Variants in PARVB observed in about 807,000 individuals in gnomAD.
PARVB encodes parvin beta.
In PARVB, 46 loss-of-function variants were observed where a neutral mutation model predicts 47.0. The observed-to-expected ratio is 0.98, with a 90% CI of 0.77 to 1.25. PARVB has a LOEUF of 1.25. Ranked by LOEUF, PARVB falls within the 50% of genes most tolerant of loss-of-function variation. The pLI is 0.00. For synonymous variants in PARVB, 196 were observed against 196.3 expected, an observed-to-expected ratio of 1.00 and a Z score of 0.01; for missense variants, 473 against 471.6, an observed-to-expected ratio of 1.00 and a Z score of -0.03.
upstream of PARVB, among the ~76,000 whole-genome samples, chr22:44,021,759 TCACACACACACA>T (rs3223605): frequency 0.02 from 2,098 of 102,730 alleles, 43 homozygotes; most frequent in African/African-American, 0.047. Flanking sequence ...AAGTCTAGAC[TCACACACACACA>T]CACACACACA....
rs1601718400 is a variant in PARVB, at chr22:44,170,000, A to C, written c.*1322A>C. 1 of 130,278 alleles carries C rather than the reference A, an allele frequency of 7.7e-6. No individual in the cohort carries two copies. Among genetic ancestry groups the C allele is most frequent in the African/African-American group, 3.3e-5 (1 of 30,190 alleles). 8.1% of individuals were successfully genotyped at this position (130,278 alleles called of 1,614,324 possible). On this transcript the variant is annotated 3_prime_UTR_variant, in exon 13 of 13. Coordinates refer to ENST00000338758, the MANE Select transcript of PARVB (RefSeq NM_013327.5). ...ATTACAGGCGTGAGCCACTGTGCCC[A>C]GCCTATTTTTTTTTTTTTTTTTGAG... is the stretch of plus-strand genomic sequence containing the variant.
rs574046814 is a variant in PARVB, at chr22:44,134,857, T to G, written c.634-1603T>G. 2.6e-5 allele frequency among the ~76,000 whole-genome samples: 4 copies of G among 152,328 alleles called. No homozygotes were observed. In the East Asian group the frequency reaches 5.8e-4, roughly 22 times the overall value. On this transcript the variant is annotated intron_variant, in intron 6 of 12. Transcript: ENST00000338758. ...ATGCTTTTCCCCATAAAACCAAGAT[T>G]TTACTACAAACCTGTAAAACATCCA...
intron 1 of PARVB, among the ~76,000 whole-genome samples, chr22:44,045,200 G>A (rs1352909950): frequency 6.6e-6 from 1 of 152,182 alleles, no homozygotes; most frequent in East Asian, 1.9e-4. Flanking sequence ...GCTGCAGTGA[G>A]TTATGATTGC....
intron 8 of PARVB, chr22:44,140,848 T>G (rs1345784960): frequency 4.1e-6 from 1 of 245,602 alleles, no homozygotes; most frequent in African/African-American, 2.2e-5. Context: ...TCTTCCCTCA[T>G]GAAAGCCTGA....
intron 1 of PARVB, among the ~76,000 whole-genome samples, chr22:44,077,920 A>C (rs1348289435): frequency 1.3e-5 from 2 of 151,560 alleles, no homozygotes; most frequent in African/African-American, 2.4e-5. Flanking sequence ...CTGGTTTCGA[A>C]CTCCTGACCT....
At chr22:44,147,700 G>C in intron 8 of PARVB, 161 bp from the exon 9 acceptor site, 1 of 768,332 alleles carries the variant, frequency 1.3e-6, no homozygotes, top group Non-Finnish European at 2.4e-6. Flanking sequence ...TGATCATCAG[G>C]GTCAGCCCTT....
chr22:44,045,085 AATT>A (rs910290151), intron 1 of PARVB, among the ~76,000 whole-genome samples: 2 of 151,882 alleles, frequency 1.3e-5, no homozygotes, highest in African/African-American at 4.8e-5. Flanking sequence ...CAAAAAATAA[AATT>A]AGTCTGGCGT....
intron 4 of PARVB, among the ~76,000 whole-genome samples, chr22:44,127,991 G>T (rs1434784154): frequency 1.3e-5 from 2 of 152,120 alleles, no homozygotes; most frequent in Admixed American, 6.5e-5. Flanking sequence ...TTGCCATGTT[G>T]CCCAGGCTAG....
Position 44,093,971 on chromosome 22 carries a change from G to T in PARVB, c.156G>T (p.Pro52=). 1 of 1,613,700 alleles carries T rather than the reference G, an allele frequency of 6.2e-7. No homozygotes were observed. The highest frequency in any genetic ancestry group is 8.5e-7 in the Non-Finnish European group (1 of 1,179,656). Residue 52 remains proline (P), a synonymous_variant, in exon 2 of 13, where the codon CCG becomes CCT. Transcript: ENST00000338758. ...QEEGKNAINS[P]MSPALVDVHP... ...AAGGCAAGAATGCCATCAACTCACC[G>T]ATGTCCCCCGCCCTGGTGGATGTTC...
intron 7 of PARVB, 23 bp downstream of exon 7, chr22:44,136,541 C>G (rs200831620): frequency 1.2e-5 from 20 of 1,606,126 alleles, no homozygotes; most frequent in Non-Finnish European, 1.7e-5. Context: ...CTGTCTTGCC[C>G]TTCCAGGCCC....
rs1186140674 is a variant in PARVB, at chr22:44,119,047, G to T, written c.283G>T (p.Asp95Tyr). The change falls in exon 4 of 13, where the codon GAC becomes TAC. Residue 95 changes from aspartate to tyrosine, a missense_variant. Asp to Tyr is a radical substitution (Grantham distance 160). Coordinates refer to ENST00000338758, the MANE Select transcript of PARVB (RefSeq NM_013327.5). ...CCTGCGTCTCCTGCAGGTCCTCCTC[G>T]ACTGGATTAATGACGTGCTGGTGGA... is the stretch of plus-strand genomic sequence containing the variant. ...KFKELVKVLLDWINDVLVEER... is the reference protein window; with the variant it reads ...KFKELVKVLLYWINDVLVEER... The T allele has an allele frequency of 6.2e-7, 1 of 1,613,628 alleles. No homozygotes were observed. Among genetic ancestry groups the T allele is most frequent in the South Asian group, 1.1e-5 (1 of 91,034 alleles).
chr22:44,089,411 T>C lies in PARVB; in HGVS notation c.113-4517T>C, dbSNP rs1337787992. 6.6e-6 allele frequency: 1 copy of C among 152,304 alleles called. No individual in the cohort carries two copies. The highest frequency in any genetic ancestry group is 1.9e-4 in the East Asian group (1 of 5,190). 9.4% of individuals were successfully genotyped at this position (152,304 alleles called of 1,614,324 possible). ...ACCCTCCAGACACTGAGAGAATGCA[T>C]GCCAGCATGCCTGTGCCAGCGCGCC... On this transcript the variant is annotated intron_variant, in intron 1 of 12. Coordinates refer to ENST00000338758, the MANE Select transcript of PARVB (RefSeq NM_013327.5). The surrounding 1 kb of genome is among the most constrained non-coding windows in gnomAD (Gnocchi z 4.0).
In PARVB at chr22:44,024,323, G is replaced by A. The variant is rs556471411; in HGVS notation, c.-17G>A. Reference sequence around the variant, plus strand: ...CTCCACACGCGCTGCGCCCGCCGCCGGCCCCACGCGCGGCCCATGTCCTCC... The same window carrying A: ...CTCCACACGCGCTGCGCCCGCCGCCAGCCCCACGCGCGGCCCATGTCCTCC... On this transcript the variant is annotated 5_prime_UTR_variant, in exon 1 of 13. Transcript: ENST00000338758. 8.2e-4 allele frequency: 843 copies of A among 1,027,452 alleles called. 6 individuals carry two copies. In the African/African-American group the frequency reaches 0.013, roughly 16 times the overall value. 63.6% of individuals were successfully genotyped at this position (1,027,452 alleles called of 1,614,324 possible).
chr22:44,147,985 A>T, intron 9 of PARVB, 63 bp downstream of exon 9: 1 of 1,251,520 alleles, frequency 8.0e-7, no homozygotes, highest in Non-Finnish European at 1.2e-6. Flanking sequence ...GACAGCACAA[A>T]CGCCCCGCTG....
rs1345915783 is a variant in PARVB, at chr22:44,103,582, C to G, written c.273+3459C>G. ...ATGTGATAATCCCTGGAGCCATTGA[C>G]TATCATCTTACATGGCAAAGGGACA... On this transcript the variant is annotated intron_variant, in intron 3 of 12. Coordinates refer to ENST00000338758, the MANE Select transcript of PARVB (RefSeq NM_013327.5). The surrounding 1 kb of genome is among the most constrained non-coding windows in gnomAD (Gnocchi z 4.6). 1.3e-5 allele frequency: 2 copies of G among 152,206 alleles called. No homozygotes were observed. Among genetic ancestry groups the G allele is most frequent in the Non-Finnish European group, 2.9e-5 (2 of 68,038 alleles). The allele number at this position is 152,206 out of a possible 1,614,324, so 9.4% of individuals were successfully genotyped here. A position where few individuals can be genotyped will look rare whatever the true frequency, so the allele number is the denominator to read the frequency against.
At chr22:44,023,517 T>TAAAAC (rs1876623788), upstream of PARVB, among the ~76,000 whole-genome samples, 5 of 92,934 alleles carry the variant, frequency 5.4e-5, no homozygotes, top group South Asian at 1.9e-3. Context: ...TCTAAAAAAA[T>TAAAAC]AAAATAAAAT....
chr22:44,074,079 A>G (rs1865288682), intron 1 of PARVB, among the ~76,000 whole-genome samples: 1 of 152,210 alleles, frequency 6.6e-6, no homozygotes, highest in African/African-American at 2.4e-5. Context: ...TTATGAAAAC[A>G]TAAGATAACA....
intron 2 of PARVB, among the ~76,000 whole-genome samples, chr22:44,017,917 A>AT (rs1291082776): frequency 2.0e-5 from 3 of 152,114 alleles, no homozygotes; most frequent in Non-Finnish European, 4.4e-5. Context: ...TTGTTTGAGA[A>AT]TGATGTTGCA....
At chr22:44,146,371 G>C (rs535088496) in intron 8 of PARVB, 4 of 144,148 alleles carry the variant, frequency 2.8e-5, no homozygotes, top group South Asian at 4.7e-4. Flanking sequence ...ATGCACACAC[G>C]TGCTCGCACA....
Sources: allele counts gnomAD v4.1 joint callset (sites outside exome capture counted in the v4.1 genomes callset), GRCh38; gene constraint gnomAD v4.1.1; non-coding constraint Gnocchi (gnomAD v3.1); transcripts MANE v1.5; gene names NCBI Gene and HGNC (gene_info 2026-07-23, HGNC 2026-07-21).